Variants in KLHL28 observed in about 807,000 individuals in gnomAD.
KLHL28 encodes kelch like family member 28.
A neutral mutation model predicts 48.3 loss-of-function variants in KLHL28; 22 were observed. That is an observed-to-expected ratio of 0.46 (90% CI 0.33 to 0.65). The LOEUF is 0.65. Among genes scored for constraint, KLHL28 ranks in the 30% least tolerant of loss-of-function variants. The pLI, the probability that KLHL28 is intolerant of heterozygous loss-of-function variation, is 0.03. For synonymous variants in KLHL28, 243 were observed against 242.4 expected (o/e 1.00, Z -0.02); for missense variants, 527 against 704.3 (o/e 0.75, Z 2.85).
chr14:44,949,483 T>C (rs1279784811), intron 1 of KLHL28, among the ~76,000 whole-genome samples: 1 of 152,134 alleles, frequency 6.6e-6, no homozygotes, highest in Non-Finnish European at 1.5e-5. Context: ...CTAGTTCAGT[T>C]AGCTAAATCA....
rs1447714689 is a variant in KLHL28 at position 44,941,645 on chromosome 14, AG to A, written c.899+3384del. On this transcript the variant is annotated intron_variant, in intron 2 of 4. Coordinates refer to ENST00000396128, the MANE Select transcript of KLHL28 (RefSeq NM_017658.5). ...CTCTGTCTCAAAAAAAAAAAAAAAAAGAAAAAGAAAAAGAAATTACCCACCA... is the reference window on the plus strand; with the variant it reads ...CTCTGTCTCAAAAAAAAAAAAAAAAAAAAAAGAAAAAGAAATTACCCACCA... 2.8e-3 allele frequency among the ~76,000 whole-genome samples: 421 copies of A among 148,582 alleles called. 5 individuals are homozygous for A. Among genetic ancestry groups the A allele is most frequent in the African/African-American group, 9.6e-3 (381 of 39,534 alleles).
intron 1 of KLHL28, among the ~76,000 whole-genome samples, chr14:44,961,300 C>A (rs2138687720): frequency 6.6e-6 from 1 of 151,896 alleles, no homozygotes; most frequent in South Asian, 2.1e-4. Flanking sequence ...GGGCGGCAGA[C>A]GGAGGGGGCG....
chr14:44,942,091 C>G (rs1884125008), intron 2 of KLHL28, among the ~76,000 whole-genome samples: 1 of 152,148 alleles, frequency 6.6e-6, no homozygotes, highest in South Asian at 2.1e-4. Context: ...TATCCTTTAC[C>G]TGGATATTTC....
chr14:44,929,249 C>T, intron 4 of KLHL28, 58 bp from the exon 5 acceptor site: 1 of 1,383,682 alleles, frequency 7.2e-7, no homozygotes, highest in Non-Finnish European at 9.8e-7. Context: ...TATACTTTTT[C>T]TCACTAAAAA....
chr14:44,961,929 G>A lies in KLHL28; in HGVS notation c.-84C>T, dbSNP rs1235339529. 1 of 153,812 alleles carries A rather than the reference G, an allele frequency of 6.5e-6. No individual in the cohort carries two copies. Among genetic ancestry groups the A allele is most frequent in the African/African-American group, 2.4e-5 (1 of 41,500 alleles). 9.5% of individuals were successfully genotyped at this position (153,812 alleles called of 1,614,324 possible). A position where few individuals can be genotyped will look rare whatever the true frequency, so the allele number is the denominator to read the frequency against. On this transcript the variant is annotated 5_prime_UTR_variant, in exon 1 of 5. Transcript: ENST00000396128. Reference sequence around the variant, plus strand: ...CTGGGCTGGATCCTCACTAGCTCCGGTCAAACCCTAACTCTTACGGGTGGG... The same window carrying A: ...CTGGGCTGGATCCTCACTAGCTCCGATCAAACCCTAACTCTTACGGGTGGG...
rs1297016850 is a variant in KLHL28 at position 44,929,118 on chromosome 14, T to C, written c.1626A>G (p.Thr542=). 1.2e-6 allele frequency: 2 copies of C among 1,613,972 alleles called. No homozygotes were observed. Among genetic ancestry groups the C allele is most frequent in the Non-Finnish European group, 1.7e-6 (2 of 1,179,910 alleles). Residue 542 remains threonine (T), a synonymous_variant, in exon 5 of 5, where the codon ACA becomes ACG. Transcript: ENST00000396128. ...GGHSGSSYLN[T]VQKYDPISDT... ...CTGAGATAGGATCATATTTCTGCAC[T>C]GTATTCAGATAGGAAGACCCTGAGT...
At chr14:44,947,737 G>A (rs1412317799) in intron 1 of KLHL28, among the ~76,000 whole-genome samples, 4 of 152,118 alleles carry the variant, frequency 2.6e-5, no homozygotes, top group Admixed American at 6.6e-5. Flanking sequence ...TGTCAAGTAC[G>A]TAATTGTTTC....
At chr14:44,954,507 A>G (rs1884716553) in intron 1 of KLHL28, among the ~76,000 whole-genome samples, 1 of 152,248 alleles carries the variant, frequency 6.6e-6, no homozygotes, top group South Asian at 2.1e-4. Context: ...AGTACTATAC[A>G]GCGATGAAAA....
At chr14:44,961,288 T>C (rs1885079752) in intron 1 of KLHL28, among the ~76,000 whole-genome samples, 1 of 151,996 alleles carries the variant, frequency 6.6e-6, no homozygotes. Context: ...GCAGGGAGGC[T>C]AGGGCGGCAG....
At chr14:44,939,522 T>C (rs926495053) in intron 2 of KLHL28, among the ~76,000 whole-genome samples, 2 of 152,196 alleles carry the variant, frequency 1.3e-5, no homozygotes, top group Non-Finnish European at 2.9e-5. Flanking sequence ...CACCTTACTA[T>C]ATGCAGTTAA....
chr14:44,943,825 T>C (rs10135494), intron 2 of KLHL28, among the ~76,000 whole-genome samples: 7,703 of 151,754 alleles, frequency 0.051, 660 homozygotes, highest in African/African-American at 0.18. Context: ...AGCAATCCTC[T>C]TGCCTCAGCC....
Position 44,928,922 on chromosome 14 carries a change from G to T in KLHL28, c.*106C>A. 2.0e-6 allele frequency: 2 copies of T among 1,024,064 alleles called. No individual in the cohort carries two copies. Among genetic ancestry groups the T allele is most frequent in the Non-Finnish European group, 2.8e-6 (2 of 706,396 alleles). 63.4% of individuals were successfully genotyped at this position (1,024,064 alleles called of 1,614,324 possible). A position where few individuals can be genotyped will look rare whatever the true frequency, so the allele number is the denominator to read the frequency against. ...CTTTTGAGCCTTCATGCTACTTCAA[G>T]TTAAAAAGAAAGCAATGCAGCTTGT... On this transcript the variant is annotated 3_prime_UTR_variant, in exon 5 of 5. Coordinates refer to ENST00000396128, the MANE Select transcript of KLHL28 (RefSeq NM_017658.5).
intron 2 of KLHL28, among the ~76,000 whole-genome samples, chr14:44,937,223 A>G (rs1009773403): frequency 6.8e-6 from 1 of 147,398 alleles, no homozygotes; most frequent in Admixed American, 6.9e-5. Context: ...TCGGCTCACC[A>G]CAACCTCCGC....
chr14:44,951,391 T>C (rs1884574070), intron 1 of KLHL28, among the ~76,000 whole-genome samples: 1 of 152,220 alleles, frequency 6.6e-6, no homozygotes, highest in South Asian at 2.1e-4. Flanking sequence ...CATGGATACA[T>C]GCAAGGTGAC....
In KLHL28 at chr14:44,924,702, A is replaced by G. The variant is rs1883322059; in HGVS notation, c.*4326T>C. Reference sequence around the variant, plus strand: ...ATAAGGCAAAAATATAGGCATTATCATCCAGTTCTTTAACTTCACTTGTAT... The same window carrying G: ...ATAAGGCAAAAATATAGGCATTATCGTCCAGTTCTTTAACTTCACTTGTAT... On this transcript the variant is annotated 3_prime_UTR_variant, in exon 5 of 5. Transcript: ENST00000396128. 1 of 152,660 alleles carries G rather than the reference A, an allele frequency of 6.6e-6. No homozygotes were observed. Among genetic ancestry groups the G allele is most frequent in the South Asian group, 2.1e-4 (1 of 4,838 alleles). 9.5% of individuals were successfully genotyped at this position (152,660 alleles called of 1,614,324 possible). A position where few individuals can be genotyped will look rare whatever the true frequency, so the allele number is the denominator to read the frequency against.
chr14:44,942,838 T>C (rs1319636729), intron 2 of KLHL28, among the ~76,000 whole-genome samples: 3 of 152,226 alleles, frequency 2.0e-5, no homozygotes, highest in African/African-American at 4.8e-5. Context: ...TAAAACTATC[T>C]TGATCGTTGC....
At chr14:44,947,740 A>G (rs1884398314) in intron 1 of KLHL28, among the ~76,000 whole-genome samples, 1 of 152,182 alleles carries the variant, frequency 6.6e-6, no homozygotes, top group South Asian at 2.1e-4. Flanking sequence ...CAAGTACGTA[A>G]TTGTTTCATA....
Position 44,931,382 on chromosome 14 carries a change from A to G in KLHL28, c.1503T>C (p.Pro501=), listed in dbSNP as rs760387993. 4 of 1,613,984 alleles carry G rather than the reference A, an allele frequency of 2.5e-6. No individual in the cohort carries two copies. The highest frequency in any genetic ancestry group is 3.3e-5 in the Admixed American group (2 of 60,002). The change falls in exon 4 of 5, where the codon CCT becomes CCC. Residue 501 remains proline, a synonymous_variant. Transcript: ENST00000396128. ...SHLSSIERYD[P]HQNQWTVCRP... ...TACACACAGTCCACTGATTTTGATG[A>G]GGATCGTATCTTTCAATGCTGGACA...
intron 2 of KLHL28, among the ~76,000 whole-genome samples, chr14:44,935,750 G>A (rs1462110323): frequency 6.6e-6 from 1 of 151,100 alleles, no homozygotes; most frequent in East Asian, 1.9e-4. Flanking sequence ...GAGGGGCACA[G>A]GGGGACTTCA....
Sources: gnomAD v4.1 joint callset for allele counts (sites outside exome capture counted in the v4.1 genomes callset) on GRCh38, gnomAD v4.1.1 for gene constraint, MANE v1.5 for transcripts, NCBI Gene and HGNC (gene_info 2026-07-23, HGNC 2026-07-21) for gene names.